The following PEX5L variants were observed in gnomAD, a reference collection of about 807,000 sequenced individuals.
The protein encoded by PEX5L is peroxisomal biogenesis factor 5 like, also known as PEX5-related protein.
In PEX5L, 30 loss-of-function variants were observed where a neutral mutation model predicts 84.0. The ratio of observed to expected loss-of-function variants is 0.36; its 90% confidence interval spans 0.27 to 0.48. PEX5L has a LOEUF of 0.48. Ranked by LOEUF, PEX5L falls within the 20% of genes least tolerant of loss-of-function variation. The pLI is 0.99. For synonymous variants in PEX5L, 270 were observed against 283.1 expected (o/e 0.95, Z 0.46); for missense variants, 533 against 754.6 (o/e 0.71, Z 3.44).
chr3:179,864,824 GAATT>G (rs891156775), intron 7 of PEX5L, among the ~76,000 whole-genome samples: 9 of 152,024 alleles, frequency 5.9e-5, no homozygotes, highest in Non-Finnish European at 1.2e-4. Context: ...AGTAAAAAAC[GAATT>G]AATAAAAAAG....
chr3:179,939,754 G>C (rs1560812606), intron 2 of PEX5L, among the ~76,000 whole-genome samples: 1 of 152,166 alleles, frequency 6.6e-6, no homozygotes, highest in South Asian at 2.1e-4. Flanking sequence ...GTGCACTCAG[G>C]CCCCCCCACT....
chr3:179,969,475 C>T (rs997414963), intron 2 of PEX5L, among the ~76,000 whole-genome samples: 5 of 151,980 alleles, frequency 3.3e-5, no homozygotes, highest in African/African-American at 9.7e-5. Flanking sequence ...TACACACATG[C>T]TTAATTTGTT....
intron 1 of PEX5L, among the ~76,000 whole-genome samples, chr3:179,982,866 T>C (rs1300287869): frequency 6.6e-6 from 1 of 152,040 alleles, no homozygotes; most frequent in Non-Finnish European, 1.5e-5. Context: ...CCATGGATGG[T>C]ACCATGTCCT....
chr3:179,954,207 G>GTGC (rs1560895757), intron 2 of PEX5L, among the ~76,000 whole-genome samples: 4 of 102,666 alleles, frequency 3.9e-5, no homozygotes, highest in Non-Finnish European at 7.5e-5. Context: ...CATTAGTCGG[G>GTGC]GGGGGGGGAA....
intron 1 of PEX5L, among the ~76,000 whole-genome samples, chr3:179,998,816 C>T (rs912705003): frequency 2.0e-5 from 3 of 152,234 alleles, no homozygotes; most frequent in Non-Finnish European, 2.9e-5. Context: ...ATGGTCTCCA[C>T]TCCTTCCACC....
chr3:179,987,821 A>C (rs1185480168), intron 1 of PEX5L, among the ~76,000 whole-genome samples: 1 of 152,156 alleles, frequency 6.6e-6, no homozygotes, highest in Non-Finnish European at 1.5e-5. Flanking sequence ...TATTTCAGGG[A>C]TGATGTAAAA....
Position 179,994,582 on chromosome 3 carries a change from T to C in PEX5L, c.22-22917A>G, listed in dbSNP as rs79163447. Among the ~76,000 whole-genome samples, 35 of 152,312 alleles carry C rather than the reference T, an allele frequency of 2.3e-4. 1 individual carries two copies. The East Asian group carries it at 6.6e-3, about 29-fold the overall frequency. ...GGGGCTGGGCAAGTGAAGGGAGTCATCATCCACTGGCTGGAAAAACCATGT... is the reference window on the plus strand; with the variant it reads ...GGGGCTGGGCAAGTGAAGGGAGTCACCATCCACTGGCTGGAAAAACCATGT... On this transcript the variant is annotated intron_variant, in intron 1 of 14. Transcript: ENST00000467460.
Position 179,910,106 on chromosome 3 carries a change from A to G in PEX5L, c.94-11860T>C, listed in dbSNP as rs756114716. Among the ~76,000 whole-genome samples, 139 of 152,356 alleles carry G rather than the reference A, an allele frequency of 9.1e-4. 1 individual carries two copies. The highest frequency in any genetic ancestry group is 4.1e-4 in the South Asian group (2 of 4,830). Reference sequence around the variant, plus strand: ...TAACAATGTTACTTTAAGCCTTCTTAGCTAATTCCTTTTGTGGTTTCTAGT... The same window carrying G: ...TAACAATGTTACTTTAAGCCTTCTTGGCTAATTCCTTTTGTGGTTTCTAGT... On this transcript the variant is annotated intron_variant, in intron 2 of 14. Transcript: ENST00000467460.
At chr3:179,905,009 A>G (rs1202927774) in intron 2 of PEX5L, among the ~76,000 whole-genome samples, 1 of 152,198 alleles carries the variant, frequency 6.6e-6, no homozygotes, top group African/African-American at 2.4e-5. Context: ...AATCTTTCCT[A>G]ACAGTACTCA....
At position 179,797,865 on chromosome 3, in the gene PEX5L, A is replaced by C. The variant is rs1380103936; in HGVS notation, c.*3963T>G. The C allele has an allele frequency of 1.3e-5, 2 of 152,180 alleles. No individual in the cohort carries two copies. Among genetic ancestry groups the C allele is most frequent in the Non-Finnish European group, 2.9e-5 (2 of 68,030 alleles). The allele number at this position is 152,180 out of a possible 1,614,324, so 9.4% of individuals were successfully genotyped here. On this transcript the variant is annotated 3_prime_UTR_variant, in exon 15 of 15. Coordinates refer to ENST00000467460, the MANE Select transcript of PEX5L (RefSeq NM_016559.3). ...TAGAATGTTCTAGAAGTATCTCAAG[A>C]TATAAAACAACAACCACCACTGCTA...
chr3:179,846,737 C>T (rs1453523405), intron 8 of PEX5L, among the ~76,000 whole-genome samples: 1 of 152,182 alleles, frequency 6.6e-6, no homozygotes, highest in Non-Finnish European at 1.5e-5. Context: ...TACCTGGTTG[C>T]TTGAGCTGAG....
At chr3:179,991,056 C>T (rs1201670190) in intron 1 of PEX5L, among the ~76,000 whole-genome samples, 1 of 152,170 alleles carries the variant, frequency 6.6e-6, no homozygotes, top group Non-Finnish European at 1.5e-5. Context: ...TTAGGAACCA[C>T]CACACTCCTT....
rs756337010 is a variant in PEX5L, at chr3:179,809,677, A to AG, written c.1155-10_1155-9insC. The AG allele has an allele frequency of 6.3e-7, 1 of 1,577,982 alleles. No homozygotes were observed. Among genetic ancestry groups the AG allele is most frequent in the African/African-American group, 1.4e-5 (1 of 72,296 alleles). On this transcript the variant is annotated splice_polypyrimidine_tract_variant and intron_variant, in intron 11 of 14. Coordinates refer to ENST00000467460, the MANE Select transcript of PEX5L (RefSeq NM_016559.3). The stretch of plus-strand genomic sequence containing the variant: ...GCTGTAATTCTAAGCACCTGAAAAA[A>AG]AAAAAGAAGCCAATTTCAGATTTTT...
chr3:179,850,188 G>A lies in PEX5L; in HGVS notation c.822+8874C>T, dbSNP rs1288584506. Among the ~76,000 whole-genome samples, 7 of 151,376 alleles carry A rather than the reference G, an allele frequency of 4.6e-5. No individual in the cohort carries two copies. In the East Asian group the frequency reaches 5.8e-4, roughly 13 times the overall value. On this transcript the variant is annotated intron_variant, in intron 8 of 14. Coordinates refer to ENST00000467460, the MANE Select transcript of PEX5L (RefSeq NM_016559.3). Reference sequence around the variant, plus strand: ...GTTGCCCAGGCTGGAGTGCAGTGGCGTGATCTTGGTTCACTGCAACCTCTG... The same window carrying A: ...GTTGCCCAGGCTGGAGTGCAGTGGCATGATCTTGGTTCACTGCAACCTCTG...
At chr3:179,825,951 C>T (rs1730331494) in intron 8 of PEX5L, among the ~76,000 whole-genome samples, 1 of 152,152 alleles carries the variant, frequency 6.6e-6, no homozygotes, top group Admixed American at 6.5e-5. Flanking sequence ...TTGTGTGGTT[C>T]AGAAGTATGG....
At chr3:179,919,755 T>C (rs1172090956) in intron 2 of PEX5L, among the ~76,000 whole-genome samples, 2 of 152,124 alleles carry the variant, frequency 1.3e-5, no homozygotes, top group Admixed American at 1.3e-4. Context: ...CAGGCTGGAG[T>C]GCAGTGGCGC....
At chr3:180,035,390 C>T (rs1320912025) in intron 1 of PEX5L, among the ~76,000 whole-genome samples, 1 of 152,040 alleles carries the variant, frequency 6.6e-6, no homozygotes, top group Non-Finnish European at 1.5e-5. Flanking sequence ...TTTTGTCTAT[C>T]AAATGTGATA....
chr3:179,951,259 C>T (rs1779011062), intron 2 of PEX5L, among the ~76,000 whole-genome samples: 1 of 152,094 alleles, frequency 6.6e-6, no homozygotes, highest in South Asian at 2.1e-4. Context: ...TGAGTGTGAT[C>T]ATTAGAGTTG....
At chr3:180,035,409 T>A (rs916371235) in intron 1 of PEX5L, among the ~76,000 whole-genome samples, 1 of 152,194 alleles carries the variant, frequency 6.6e-6, no homozygotes, top group African/African-American at 2.4e-5. Flanking sequence ...TATAATCACA[T>A]TAATAATTTT....
Sources: allele counts gnomAD v4.1 joint callset (sites outside exome capture counted in the v4.1 genomes callset), GRCh38; gene constraint gnomAD v4.1.1; transcripts MANE v1.5; gene names NCBI Gene and HGNC (gene_info 2026-07-23, HGNC 2026-07-21).